The following EGLN1 variants were observed in gnomAD, a reference collection of about 807,000 sequenced individuals.
EGLN1 encodes the protein egl-9 family hypoxia inducible factor 1.
Under a neutral mutation model 38.3 loss-of-function variants are expected in EGLN1, and 17 were observed. The ratio of observed to expected loss-of-function variants is 0.44; its 90% confidence interval spans 0.30 to 0.67. EGLN1 has a LOEUF of 0.67. Ranked by LOEUF, EGLN1 falls within the 30% of genes least tolerant of loss-of-function variation. The probability of loss-of-function intolerance (pLI) is 0.08; values close to 1 mark genes in which losing one functional copy is unlikely to be tolerated. For missense variants in EGLN1, 477 were observed against 603.3 expected (o/e 0.79, Z 2.19); for synonymous variants, 283 against 257.5 (o/e 1.10, Z -0.95).
At chr1:231,410,680 C>T (rs1688915126) in intron 1 of EGLN1, among the ~76,000 whole-genome samples, 1 of 151,350 alleles carries the variant, frequency 6.6e-6, no homozygotes, top group Non-Finnish European at 1.5e-5. Context: ...AGAAAGTGAA[C>T]TGAACTTTAG....
chr1:231,375,789 G>C (rs1021958933), intron 1 of EGLN1, among the ~76,000 whole-genome samples: 5 of 152,118 alleles, frequency 3.3e-5, no homozygotes, highest in African/African-American at 4.8e-5. Flanking sequence ...ACCTTGAATA[G>C]TAACTGTAAG....
intron 1 of EGLN1, among the ~76,000 whole-genome samples, chr1:231,404,332 C>G (rs1029015109): frequency 6.6e-6 from 1 of 152,052 alleles, no homozygotes; most frequent in African/African-American, 2.4e-5. Context: ...GCCATAAATA[C>G]CCCCCATTAT....
chr1:231,400,722 C>T (rs541463624), intron 1 of EGLN1, among the ~76,000 whole-genome samples: 6 of 152,100 alleles, frequency 3.9e-5, no homozygotes, highest in Middle Eastern at 3.2e-3. Flanking sequence ...AAGGGAAAGA[C>T]TCATTTAATA....
intron 1 of EGLN1, among the ~76,000 whole-genome samples, chr1:231,409,250 A>AC (rs932310181): frequency 6.9e-6 from 1 of 144,180 alleles, no homozygotes; most frequent in African/African-American, 2.6e-5. Flanking sequence ...TTAAAAAAAA[A>AC]AAAAAACAAA....
chr1:231,408,526 T>C (rs777411749), intron 1 of EGLN1, among the ~76,000 whole-genome samples: 1 of 152,098 alleles, frequency 6.6e-6, no homozygotes, highest in African/African-American at 2.4e-5. Context: ...GGGTAGTACA[T>C]GGAGAAAAAT....
At chr1:231,413,932 A>T (rs1011929898) in intron 1 of EGLN1, among the ~76,000 whole-genome samples, 1 of 152,202 alleles carries the variant, frequency 6.6e-6, no homozygotes, top group Non-Finnish European at 1.5e-5. Context: ...TTCAGAAATG[A>T]AACTAATTCT....
rs1467591864 is a variant in EGLN1 at position 231,365,238 on chromosome 1, T to C, written c.*1173A>G. 6.6e-6 allele frequency: 1 copy of C among 152,064 alleles called. No individual in the cohort carries two copies. Among genetic ancestry groups the C allele is most frequent in the African/African-American group, 2.4e-5 (1 of 41,394 alleles). The allele number at this position is 152,064 out of a possible 1,614,324, so 9.4% of individuals were successfully genotyped here. ...AGATCACAGTATTAGGAAAAAAACA[T>C]AACAGCAAATTTGGAAGTACAATCA... On this transcript the variant is annotated 3_prime_UTR_variant, in exon 5 of 5. Transcript: ENST00000366641.
At chr1:231,397,281 A>G (rs1416916) in intron 1 of EGLN1, among the ~76,000 whole-genome samples, 82,933 of 152,126 alleles carry the variant, frequency 0.55, 24,233 homozygotes, top group Non-Finnish European at 0.65. Flanking sequence ...TTGGGTGGCC[A>G]CTTATGTTAT....
At chr1:231,375,584 AAGC>A (rs1231425451) in intron 1 of EGLN1, among the ~76,000 whole-genome samples, 2 of 152,224 alleles carry the variant, frequency 1.3e-5, no homozygotes, top group African/African-American at 4.8e-5. Context: ...TGCTCTTTAT[AAGC>A]AGCAGAATTT....
At chr1:231,374,242 G>C in intron 1 of EGLN1, 143 bp from the exon 2 acceptor site, 1 of 758,368 alleles carries the variant, frequency 1.3e-6, no homozygotes, top group Non-Finnish European at 2.2e-6. Context: ...ATAAGATAAG[G>C]CTATTCTACA....
At chr1:231,382,603 T>C (rs1688101739) in intron 1 of EGLN1, among the ~76,000 whole-genome samples, 1 of 152,198 alleles carries the variant, frequency 6.6e-6, no homozygotes, top group Non-Finnish European at 1.5e-5. Flanking sequence ...ATGAATCTAG[T>C]TAATCTAATG....
intron 1 of EGLN1, among the ~76,000 whole-genome samples, chr1:231,411,398 A>G (rs1688938907): frequency 6.6e-6 from 1 of 152,208 alleles, no homozygotes; most frequent in Admixed American, 6.5e-5. Flanking sequence ...ACCCAGTCTC[A>G]GGTCTTCACA....
chr1:231,421,941 C>A lies in EGLN1; in HGVS notation c.-53G>T, dbSNP rs1656645142. ...TGCGGCGGCCGAGCAGGAGGGGTAG[C>A]GGCCGGACGGCCTCGCCCGAGGCTG... On this transcript the variant is annotated 5_prime_UTR_variant, in exon 1 of 5. Transcript: ENST00000366641. This position sits in a 1 kb window ranked among gnomAD's most constrained non-coding sequence, Gnocchi z 5.5. 7.5e-7 allele frequency: 1 copy of A among 1,341,036 alleles called. No individual in the cohort carries two copies. The highest frequency in any genetic ancestry group is 9.5e-7 in the Non-Finnish European group (1 of 1,057,246). 83.1% of individuals were successfully genotyped at this position (1,341,036 alleles called of 1,614,324 possible).
intron 1 of EGLN1, among the ~76,000 whole-genome samples, chr1:231,413,475 C>T (rs1689003334): frequency 6.6e-6 from 1 of 152,322 alleles, no homozygotes; most frequent in South Asian, 2.1e-4. Flanking sequence ...ATTCAAGTCA[C>T]TATTTAAATG....
intron 2 of EGLN1, among the ~76,000 whole-genome samples, chr1:231,372,226 A>G (rs1687844173): frequency 6.6e-6 from 1 of 152,182 alleles, no homozygotes; most frequent in South Asian, 2.1e-4. Context: ...GTAACTGTCA[A>G]TCTTTCTGAT....
chr1:231,384,296 A>G (rs747217543), intron 1 of EGLN1, among the ~76,000 whole-genome samples: 2 of 152,208 alleles, frequency 1.3e-5, no homozygotes, highest in Admixed American at 6.5e-5. Context: ...TAGAAAAGAT[A>G]CAAAGTTACT....
chr1:231,373,929 G>T, intron 2 of EGLN1, 51 bp downstream of exon 2: 1 of 1,604,384 alleles, frequency 6.2e-7, no homozygotes, highest in South Asian at 1.1e-5. Context: ...TAATGCTTTT[G>T]AGAAAAAGAC....
chr1:231,392,070 G>A (rs971915263), intron 1 of EGLN1, among the ~76,000 whole-genome samples: 10 of 152,070 alleles, frequency 6.6e-5, no homozygotes, highest in Admixed American at 5.9e-4. Flanking sequence ...GGCGGATCAC[G>A]AGGTCAGGAG....
chr1:231,390,749 T>C (rs1055143035), intron 1 of EGLN1, among the ~76,000 whole-genome samples: 1 of 152,230 alleles, frequency 6.6e-6, no homozygotes, highest in Admixed American at 6.5e-5. Flanking sequence ...AAGAAGAGCA[T>C]AAGGCAGCAC....
Sources: gnomAD v4.1 joint callset for allele counts (sites outside exome capture counted in the v4.1 genomes callset) on GRCh38, gnomAD v4.1.1 for gene constraint, Gnocchi (gnomAD v3.1) non-coding constraint, MANE v1.5 for transcripts, NCBI Gene and HGNC (gene_info 2026-07-23, HGNC 2026-07-21) for gene names.